ARPC1B: variants seen among roughly 807,000 people sequenced by gnomAD.
ARPC1B encodes the protein actin-related protein 2/3 complex subunit 1B.
Under a neutral mutation model 46.0 loss-of-function variants are expected in ARPC1B, and 29 were observed. The observed-to-expected ratio is 0.63, with a 90% CI of 0.47 to 0.86. The LOEUF is 0.86. Among genes scored for constraint, ARPC1B ranks in the 40% least tolerant of loss-of-function variants. The pLI is 0.00. For missense variants in ARPC1B, 469 were observed against 529.4 expected (o/e 0.89, Z 1.12); for synonymous variants, 201 against 213.9 (o/e 0.94, Z 0.53).
At chr7:99,375,626 A>G (rs1794014268) in intron 1 of ARPC1B, among the ~76,000 whole-genome samples, 2 of 152,164 alleles carry the variant, frequency 1.3e-5, no homozygotes, top group African/African-American at 2.4e-5. Context: ...CCCGGAGGCT[A>G]CCACCACCCA....
At chr7:99,390,203 C>G (rs1417817117) in intron 5 of ARPC1B, among the ~76,000 whole-genome samples, 191 bp downstream of exon 5, 4 of 152,186 alleles carry the variant, frequency 2.6e-5, no homozygotes, top group Non-Finnish European at 4.4e-5. Context: ...GCTGGATGGG[C>G]CTCTGCCCAC....
intron 1 of ARPC1B, among the ~76,000 whole-genome samples, chr7:99,383,370 G>C (rs1017902834): frequency 2.6e-5 from 4 of 152,108 alleles, no homozygotes; most frequent in Non-Finnish European, 5.9e-5. Flanking sequence ...TACTCTGTTG[G>C]TCACTAATGG....
chr7:99,386,425 G>A (rs759424289), intron 2 of ARPC1B: 23 of 583,246 alleles, frequency 3.9e-5, no homozygotes, highest in Non-Finnish European at 6.8e-5. Context: ...CAGGAGCAGC[G>A]AAGGGTTCCT....
chr7:99,377,267 G>C (rs190489962), intron 1 of ARPC1B: 18 of 151,952 alleles, frequency 1.2e-4, no homozygotes, highest in African/African-American at 3.9e-4. Context: ...CCAAAGTGCT[G>C]GGGTTACAGG....
At chr7:99,387,474 G>C (rs1169688368) in intron 3 of ARPC1B, among the ~76,000 whole-genome samples, 2 of 151,644 alleles carry the variant, frequency 1.3e-5, no homozygotes, top group African/African-American at 4.8e-5. Flanking sequence ...GCGGTGGCTT[G>C]CGCCTGTACT....
intron 1 of ARPC1B, among the ~76,000 whole-genome samples, chr7:99,378,855 C>A (rs1794116759): frequency 7.0e-6 from 1 of 142,050 alleles, no homozygotes; most frequent in Admixed American, 7.3e-5. Flanking sequence ...CGGCTCACTG[C>A]AAGCTCCGCC....
intron 1 of ARPC1B, among the ~76,000 whole-genome samples, chr7:99,380,360 CT>C (rs953956186): frequency 6.6e-6 from 1 of 151,212 alleles, no homozygotes; most frequent in African/African-American, 2.5e-5. Flanking sequence ...GTTTCAGCTG[CT>C]TTGCAGAAGT....
chr7:99,385,647 A>G, intron 1 of ARPC1B, 55 bp from the exon 2 acceptor site: 1 of 1,485,568 alleles, frequency 6.7e-7, no homozygotes, highest in Non-Finnish European at 9.2e-7. Context: ...GTATGGGTGA[A>G]GTCAGGGGCA....
At position 99,394,522 on chromosome 7, in the gene ARPC1B, G is replaced by A; in HGVS notation, c.*33G>A. On this transcript the variant is annotated 3_prime_UTR_variant, in exon 10 of 10. Coordinates refer to ENST00000646101, the MANE Select transcript of ARPC1B (RefSeq NM_005720.4). ...GGAATATGTTGCCTTCATCCTAGCT[G>A]CTGGGGAAGCGGGGAGAGGGGTCAG... 8 of 1,613,976 alleles carry A rather than the reference G, an allele frequency of 5.0e-6. No individual in the cohort carries two copies. The highest frequency in any genetic ancestry group is 6.8e-6 in the Non-Finnish European group (8 of 1,180,006).
chr7:99,375,495 C>T, intron 1 of ARPC1B, among the ~76,000 whole-genome samples: 1 of 152,174 alleles, frequency 6.6e-6, no homozygotes, highest in Non-Finnish European at 1.5e-5. Context: ...TCCGGAGGCG[C>T]TGGGAGAGCA....
In ARPC1B at chr7:99,394,782, A is replaced by T. The variant is rs922038164; in HGVS notation, c.*293A>T. On this transcript the variant is annotated 3_prime_UTR_variant, in exon 10 of 10. Coordinates refer to ENST00000646101, the MANE Select transcript of ARPC1B (RefSeq NM_005720.4). ...GAGGTAATAAAATGCAACTGTGTAA[A>T]AAAAAAAAAAAAAAAAAAAGTAATT... 142 of 859,628 alleles carry T rather than the reference A, an allele frequency of 1.7e-4. No homozygotes were observed. The highest frequency in any genetic ancestry group is 1.9e-4 in the Non-Finnish European group (130 of 689,696). 53.3% of individuals were successfully genotyped at this position (859,628 alleles called of 1,614,324 possible).
intron 1 of ARPC1B, among the ~76,000 whole-genome samples, chr7:99,384,772 G>C (rs1320173588): frequency 2.6e-5 from 4 of 151,994 alleles, no homozygotes; most frequent in Admixed American, 1.3e-4. Context: ...TCTGAGCAGT[G>C]TGGGGGAAGA....
At chr7:99,379,802 C>A (rs959016702) in intron 1 of ARPC1B, among the ~76,000 whole-genome samples, 8 of 132,890 alleles carry the variant, frequency 6.0e-5, no homozygotes, top group African/African-American at 3.0e-4. Flanking sequence ...CCATGCCTGG[C>A]TAATTTTTTT....
upstream of ARPC1B, chr7:99,374,313 G>A (rs954071548): frequency 6.6e-6 from 1 of 152,068 alleles, no homozygotes; most frequent in East Asian, 1.9e-4. The surrounding 1 kb of genome is among the most constrained non-coding windows in gnomAD (Gnocchi z 5.0). Flanking sequence ...GGCTGCCGAC[G>A]GGGCTGCAGG....
intron 1 of ARPC1B, among the ~76,000 whole-genome samples, chr7:99,378,363 G>A (rs1794093150): frequency 6.6e-6 from 1 of 151,730 alleles, no homozygotes; most frequent in Non-Finnish European, 1.5e-5. Context: ...GTGAGCCATG[G>A]CACCCCACCT....
intron 3 of ARPC1B, 83 bp downstream of exon 3, chr7:99,386,872 TTG>T: frequency 2.0e-6 from 2 of 1,012,862 alleles, no homozygotes; most frequent in Non-Finnish European, 1.5e-6. Flanking sequence ...TGGCCACTCA[TTG>T]TGGAGCATCT....
At chr7:99,381,771 C>T (rs1192848617) in intron 1 of ARPC1B, among the ~76,000 whole-genome samples, 1 of 152,204 alleles carries the variant, frequency 6.6e-6, no homozygotes, top group Non-Finnish European at 1.5e-5. Context: ...GGTCACTGAG[C>T]CCTGTGGGGC....
At chr7:99,394,424 C>T (rs766136405) in intron 9 of ARPC1B, 27 bp from the exon 10 acceptor site, 4 of 1,587,464 alleles carry the variant, frequency 2.5e-6, no homozygotes, top group African/African-American at 2.7e-5. Flanking sequence ...AGCTGAGAAC[C>T]AGCCTGTCCG....
intron 2 of ARPC1B, chr7:99,386,468 C>G (rs759075814): frequency 4.7e-6 from 3 of 640,652 alleles, no homozygotes; most frequent in Admixed American, 2.1e-5. Flanking sequence ...GGGAGAGGTC[C>G]CAGGGTTCAT....
Sources: allele counts gnomAD v4.1 joint callset (sites outside exome capture counted in the v4.1 genomes callset), GRCh38; gene constraint gnomAD v4.1.1; non-coding constraint Gnocchi (gnomAD v3.1); transcripts MANE v1.5; gene names NCBI Gene and HGNC (gene_info 2026-07-23, HGNC 2026-07-21).